TBP: variants seen among roughly 807,000 people sequenced by gnomAD.
The protein encoded by TBP is TATA-box-binding protein.
Under a neutral mutation model 46.2 loss-of-function variants are expected in TBP, and 12 were observed. The observed-to-expected ratio is 0.26, with a 90% confidence interval of 0.17 to 0.42. The LOEUF (loss-of-function observed/expected upper bound fraction) is 0.42. Ranked by LOEUF, TBP falls within the 10% of genes least tolerant of loss-of-function variation. The pLI is 1.00. For synonymous variants in TBP, 157 were observed against 148.3 expected (o/e 1.06, Z -0.42); for missense variants, 229 against 403.1 (o/e 0.57, Z 3.70).
intron 4 of TBP, among the ~76,000 whole-genome samples, chr6:170,566,096 TAAAAA>T (rs796175631): frequency 6.6e-6 from 1 of 151,796 alleles, no homozygotes; most frequent in African/African-American, 2.4e-5. Flanking sequence ...ATTAATAAAA[TAAAAA>T]AATAAAATTG....
At chr6:170,571,066 A>C (rs573290799) in intron 6 of TBP, among the ~76,000 whole-genome samples, 3 of 152,214 alleles carry the variant, frequency 2.0e-5, no homozygotes, top group Non-Finnish European at 2.9e-5. Context: ...CTGTAAAAGT[A>C]AAGGATTATT....
rs35269766 is a variant in TBP, at chr6:170,557,735, CAAAAAAAAA to C, written c.54+669_54+677del. Among the ~76,000 whole-genome samples the C allele has an allele frequency of 2.7e-4, 14 of 52,004 alleles. No homozygotes were observed. In the South Asian group the frequency reaches 0.012, roughly 45 times the overall value. 34.1% of individuals were successfully genotyped at this position (52,004 alleles called of 152,430 possible). A position where few individuals can be genotyped will look rare whatever the true frequency, so the allele number is the denominator to read the frequency against. On this transcript the variant is annotated intron_variant, in intron 2 of 7. Transcript: ENST00000392092. ...TGGGAGACAGAGCGAGACTCTGTCTCAAAAAAAAAAAAAAAAAAAAAAAAATCAATAACT... is the reference window on the plus strand; with the variant it reads ...TGGGAGACAGAGCGAGACTCTGTCTCAAAAAAAAAAAAAAAATCAATAACT...
chr6:170,572,044 T>C (rs1032558775), intron 7 of TBP, 142 bp from the exon 8 acceptor site: 1 of 695,840 alleles, frequency 1.4e-6, no homozygotes, highest in South Asian at 1.6e-5. Context: ...GATTCCACTA[T>C]TAATGTTTTC....
intron 3 of TBP, among the ~76,000 whole-genome samples, chr6:170,563,295 T>G (rs1450095745): frequency 6.6e-6 from 1 of 152,178 alleles, no homozygotes; most frequent in African/African-American, 2.4e-5. Context: ...GCGAGTGCCT[T>G]TGCTGTTCTG....
At chr6:170,556,452 T>C (rs2114988697) in intron 1 of TBP, among the ~76,000 whole-genome samples, 1 of 152,260 alleles carries the variant, frequency 6.6e-6, no homozygotes, top group South Asian at 2.1e-4. Flanking sequence ...ATTTACTTAA[T>C]TTTTTGCCCA....
In TBP at chr6:170,561,881, C is replaced by CT; in HGVS notation, c.146dup (p.Ser50ValfsTer128). 6.2e-7 allele frequency: 1 copy of CT among 1,614,068 alleles called. No homozygotes were observed. Among genetic ancestry groups the CT allele is most frequent in the South Asian group, 1.1e-5 (1 of 91,076 alleles). On this transcript the variant is annotated frameshift_variant, in exon 3 of 8. Coordinates refer to ENST00000392092, the MANE Select transcript of TBP (RefSeq NM_003194.5). LOFTEE classifies it high-confidence loss of function. ...ACAGCCTATTCAGAACACCAATAGT[C>CT]TGTCTATTTTGGAAGAGCAACAAAG... is the stretch of plus-strand genomic sequence containing the variant.
At chr6:170,561,661 AATG>A in intron 2 of TBP, 127 bp from the exon 3 acceptor site, 8 of 1,486,602 alleles carry the variant, frequency 5.4e-6, no homozygotes, top group Non-Finnish European at 7.1e-6. Context: ...TTCCGTAATT[AATG>A]TTTAATAACC....
intron 1 of TBP, among the ~76,000 whole-genome samples, chr6:170,556,020 T>G (rs891137500): frequency 6.6e-6 from 1 of 152,214 alleles, no homozygotes; most frequent in Non-Finnish European, 1.5e-5. Context: ...TTTGGTCTGT[T>G]TTTCAGTGAT....
rs374211951 is a variant in TBP at position 170,571,538 on chromosome 6, TGTAA to T, written c.940+37_940+40del. On this transcript the variant is annotated intron_variant, in intron 7 of 7. Coordinates refer to ENST00000392092, the MANE Select transcript of TBP (RefSeq NM_003194.5). Reference sequence around the variant, plus strand: ...TAACAGGAAGTAGTATCTGAAAGTTTGTAAGTGTTTTGAGTATGGCATTTTCTCA... The same window carrying T: ...TAACAGGAAGTAGTATCTGAAAGTTTGTGTTTTGAGTATGGCATTTTCTCA... 1.4e-4 allele frequency: 207 copies of T among 1,517,738 alleles called. No homozygotes were observed. The African/African-American group carries it at 2.1e-3, about 15-fold the overall frequency. 94.0% of individuals were successfully genotyped at this position (1,517,738 alleles called of 1,614,324 possible). A position where few individuals can be genotyped will look rare whatever the true frequency, so the allele number is the denominator to read the frequency against.
chr6:170,567,791 C>T (rs1486415831), intron 5 of TBP, among the ~76,000 whole-genome samples: 1 of 152,136 alleles, frequency 6.6e-6, no homozygotes, highest in Non-Finnish European at 1.5e-5. Context: ...AATGTCATTG[C>T]CTATATTCTC....
In TBP at chr6:170,561,896, G is replaced by A. The variant is rs1190072930; in HGVS notation, c.160G>A (p.Glu54Lys). ...CACCAATAGTCTGTCTATTTTGGAA[G>A]AGCAACAAAGGCAGCAGCAGCAACA... ...QNTNSLSILE[E>K]QQRQQQQQQQ... Residue 54 changes from glutamate (E) to lysine (K), a missense_variant, in exon 3 of 8, where the codon GAG (glutamate) becomes AAG (lysine). Coordinates refer to ENST00000392092, the MANE Select transcript of TBP (RefSeq NM_003194.5). 6.2e-7 allele frequency: 1 copy of A among 1,613,532 alleles called. No individual in the cohort carries two copies. Among genetic ancestry groups the A allele is most frequent in the Non-Finnish European group, 8.5e-7 (1 of 1,179,850 alleles).
rs567165066 is a variant in TBP, at chr6:170,565,244, T to G, written c.585+612T>G. 3.9e-5 allele frequency among the ~76,000 whole-genome samples: 6 copies of G among 152,354 alleles called. No homozygotes were observed. In the South Asian group the frequency reaches 8.3e-4, roughly 21 times the overall value. On this transcript the variant is annotated intron_variant, in intron 4 of 7. Coordinates refer to ENST00000392092, the MANE Select transcript of TBP (RefSeq NM_003194.5). The stretch of plus-strand genomic sequence containing the variant: ...AGATCTAAAGTAAAATGTGCATTGT[T>G]TTGTATCTTTTATTGAGTGTCTGTG...
chr6:170,568,722 G>C (rs1483214020), intron 5 of TBP, among the ~76,000 whole-genome samples: 1 of 150,526 alleles, frequency 6.6e-6, no homozygotes, highest in African/African-American at 2.4e-5. Context: ...CAAAGTGTTG[G>C]GATTACAGGT....
intron 5 of TBP, among the ~76,000 whole-genome samples, chr6:170,568,195 G>T (rs547557978): frequency 1.3e-5 from 2 of 152,212 alleles, no homozygotes; most frequent in East Asian, 3.9e-4. Context: ...TTGTTTGCTT[G>T]TTTTCCCCTG....
At chr6:170,570,634 A>T (rs1376586061) in intron 6 of TBP, among the ~76,000 whole-genome samples, 1 of 152,180 alleles carries the variant, frequency 6.6e-6, no homozygotes, top group African/African-American at 2.4e-5. Context: ...GGAGTTCAAG[A>T]CCAGCCTGGC....
At chr6:170,566,337 A>T (rs1207095702) in intron 4 of TBP, among the ~76,000 whole-genome samples, 1 of 152,242 alleles carries the variant, frequency 6.6e-6, no homozygotes, top group African/African-American at 2.4e-5. Flanking sequence ...TGTTTCAAGC[A>T]TAAAAAGCAG....
intron 3 of TBP, among the ~76,000 whole-genome samples, chr6:170,563,971 C>A (rs1390873076): frequency 2.0e-5 from 3 of 151,796 alleles, no homozygotes; most frequent in Non-Finnish European, 4.4e-5. Flanking sequence ...GTCAGTGGAC[C>A]CAGATGGCTC....
chr6:170,565,328 G>A lies in TBP; in HGVS notation c.585+696G>A, dbSNP rs114191101. The stretch of plus-strand genomic sequence containing the variant: ...AAATAAGCTAAGTTATATATGTATT[G>A]TATTGGGATCATGTGAAGAATTTTG... On this transcript the variant is annotated intron_variant, in intron 4 of 7. Coordinates refer to ENST00000392092, the MANE Select transcript of TBP (RefSeq NM_003194.5). 1.7e-3 allele frequency among the ~76,000 whole-genome samples: 258 copies of A among 152,344 alleles called. 3 individuals carry two copies. Among genetic ancestry groups the A allele is most frequent in the African/African-American group, 5.8e-3 (241 of 41,588 alleles).
In TBP at chr6:170,572,297, CCTT is replaced by C. The variant is rs755153007; in HGVS notation, c.*36_*38del. 128 of 1,528,410 alleles carry C rather than the reference CCTT, an allele frequency of 8.4e-5. No homozygotes were observed. The highest frequency in any genetic ancestry group is 5.6e-5 in the African/African-American group (4 of 71,356). 94.7% of individuals were successfully genotyped at this position (1,528,410 alleles called of 1,614,324 possible). A position where few individuals can be genotyped will look rare whatever the true frequency, so the allele number is the denominator to read the frequency against. On this transcript the variant is annotated 3_prime_UTR_variant, in exon 8 of 8. Transcript: ENST00000392092. The stretch of plus-strand genomic sequence containing the variant: ...TCATGTACCCTTGCCTCCCCCACCC[CCTT>C]CTTTTTTTTTTTTTAAACAAATCAG...
Sources: gnomAD v4.1 joint callset for allele counts (sites outside exome capture counted in the v4.1 genomes callset) on GRCh38, gnomAD v4.1.1 for gene constraint, MANE v1.5 for transcripts, NCBI Gene and HGNC (gene_info 2026-07-23, HGNC 2026-07-21) for gene names.